Variants in YES1 observed in about 807,000 individuals in gnomAD.
YES1 encodes the protein YES proto-oncogene 1, Src family tyrosine kinase, also known as tyrosine-protein kinase Yes.
Under a neutral mutation model 70.4 loss-of-function variants are expected in YES1, and 39 were observed. The observed-to-expected ratio is 0.55, with a 90% CI of 0.43 to 0.72. The LOEUF is 0.72. Ranked by LOEUF, YES1 falls within the 30% of genes least tolerant of loss-of-function variation. YES1 has a pLI of 0.00. For missense variants in YES1, 495 were observed against 644.8 expected (o/e 0.77, Z 2.52); for synonymous variants, 198 against 218.6 (o/e 0.91, Z 0.83).
chr18:779,991 T>C (rs1027028822), intron 1 of YES1, among the ~76,000 whole-genome samples: 2 of 151,962 alleles, frequency 1.3e-5, no homozygotes, highest in African/African-American at 2.4e-5. Context: ...CCCAGCACTT[T>C]GGGAGGCTGA....
intron 1 of YES1, among the ~76,000 whole-genome samples, chr18:788,339 G>A (rs899076450): frequency 2.0e-5 from 3 of 152,006 alleles, no homozygotes; most frequent in African/African-American, 7.3e-5. Flanking sequence ...CATTCCTTAG[G>A]ATGACCTAAA....
At chr18:754,857 A>G (rs1430969673) in intron 2 of YES1, among the ~76,000 whole-genome samples, 1 of 152,068 alleles carries the variant, frequency 6.6e-6, no homozygotes, top group Non-Finnish European at 1.5e-5. Flanking sequence ...TTAGCTGTTT[A>G]TTCATTAATT....
At chr18:747,465 G>A (rs574697540) in intron 4 of YES1, among the ~76,000 whole-genome samples, 1 of 152,008 alleles carries the variant, frequency 6.6e-6, no homozygotes, top group African/African-American at 2.4e-5. Flanking sequence ...CCAAGACCCT[G>A]TCTCAAAAAA....
At chr18:744,689 CTTTTTTTTTTTTTTT>C (rs71174284) in intron 6 of YES1, among the ~76,000 whole-genome samples, 2 of 56,862 alleles carry the variant, frequency 3.5e-5, no homozygotes, top group African/African-American at 6.2e-5. Flanking sequence ...CACGCCTGGC[CTTTTTTTTTTTTTTT>C]TTTTTTTTTT....
intron 11 of YES1, among the ~76,000 whole-genome samples, chr18:727,057 C>T (rs182329411): frequency 6.6e-6 from 1 of 152,144 alleles, no homozygotes; most frequent in Admixed American, 6.5e-5. Flanking sequence ...ATCTCTTTTT[C>T]TTCTTTAAAG....
intron 1 of YES1, among the ~76,000 whole-genome samples, chr18:793,091 G>C (rs926809520): frequency 6.6e-6 from 1 of 150,434 alleles, no homozygotes; most frequent in Non-Finnish European, 1.5e-5. Flanking sequence ...CCAGGCTGGA[G>C]TGCAGTGGTG....
intron 1 of YES1, among the ~76,000 whole-genome samples, chr18:771,000 C>T (rs1905127956): frequency 6.7e-6 from 1 of 148,702 alleles, no homozygotes; most frequent in African/African-American, 2.5e-5. Flanking sequence ...AGAGATATCC[C>T]ATCTCAAAAA....
intron 1 of YES1, among the ~76,000 whole-genome samples, chr18:776,391 T>A (rs1275310057): frequency 6.6e-6 from 1 of 152,108 alleles, no homozygotes; most frequent in African/African-American, 2.4e-5. Context: ...TTGGTGGGTG[T>A]GTAGGAGTCT....
intron 10 of YES1, among the ~76,000 whole-genome samples, chr18:735,080 C>T (rs1598890931): frequency 6.8e-6 from 1 of 147,122 alleles, no homozygotes; most frequent in African/African-American, 2.5e-5. Context: ...TCATTTGAAC[C>T]TGGGAGGTGG....
chr18:732,798 CAT>C (rs750474995), intron 11 of YES1, 34 bp downstream of exon 11: 1 of 1,613,748 alleles, frequency 6.2e-7, no homozygotes, highest in Non-Finnish European at 8.5e-7. Context: ...TAAAGCCACT[CAT>C]GAGATAACCA....
At chr18:765,058 G>A (rs1197140773) in intron 1 of YES1, among the ~76,000 whole-genome samples, 1 of 151,054 alleles carries the variant, frequency 6.6e-6, no homozygotes, top group Non-Finnish European at 1.5e-5. Flanking sequence ...AAAGATAACA[G>A]AACTCTCAAA....
chr18:780,148 C>T (rs1905586575), intron 1 of YES1, among the ~76,000 whole-genome samples: 2 of 152,106 alleles, frequency 1.3e-5, no homozygotes, highest in Admixed American at 1.3e-4. Context: ...TCACTTGAAC[C>T]AGGGAGGTGG....
intron 11 of YES1, among the ~76,000 whole-genome samples, chr18:730,765 T>G (rs546296879): frequency 6.6e-6 from 1 of 152,338 alleles, no homozygotes; most frequent in South Asian, 2.1e-4. Context: ...AGTGCTATAA[T>G]AAGTTGGATA....
intron 3 of YES1, among the ~76,000 whole-genome samples, chr18:750,066 CA>C: frequency 6.6e-6 from 1 of 152,022 alleles, no homozygotes; most frequent in East Asian, 1.9e-4. Context: ...TTTGCTTCAC[CA>C]AAGATAAAAA....
intron 1 of YES1, among the ~76,000 whole-genome samples, chr18:757,190 C>A (rs2080418683): frequency 6.6e-6 from 1 of 152,198 alleles, no homozygotes; most frequent in Admixed American, 6.5e-5. Flanking sequence ...TGTTGCTTAA[C>A]CTCTATGCAC....
chr18:728,274 C>T (rs1259805744), intron 11 of YES1, among the ~76,000 whole-genome samples: 1 of 151,566 alleles, frequency 6.6e-6, no homozygotes, highest in Non-Finnish European at 1.5e-5. Context: ...CTGCAGTGAG[C>T]CCTGATTGTG....
intron 9 of YES1, chr18:737,218 C>A: frequency 3.6e-6 from 1 of 279,016 alleles, no homozygotes; most frequent in Non-Finnish European, 6.7e-6. Context: ...TTTGGGAGGC[C>A]GAGGCAGGTG....
At chr18:787,243 G>A (rs1906008673) in intron 1 of YES1, among the ~76,000 whole-genome samples, 1 of 151,162 alleles carries the variant, frequency 6.6e-6, no homozygotes, top group Non-Finnish European at 1.5e-5. Flanking sequence ...GGGACTACAG[G>A]TGCCCACCAC....
At chr18:749,223 G>A (rs1177354547) in intron 3 of YES1, among the ~76,000 whole-genome samples, 1 of 152,118 alleles carries the variant, frequency 6.6e-6, no homozygotes, top group African/African-American at 2.4e-5. Context: ...GCCGGGCGCG[G>A]TGGCTTACGC....
Sources: gnomAD v4.1 joint callset for allele counts (sites outside exome capture counted in the v4.1 genomes callset) on GRCh38, gnomAD v4.1.1 for gene constraint, MANE v1.5 for transcripts, NCBI Gene and HGNC (gene_info 2026-07-23, HGNC 2026-07-21) for gene names.